The following BLK variants were observed in gnomAD, a reference collection of about 807,000 sequenced individuals.
BLK encodes BLK proto-oncogene, Src family tyrosine kinase.
BLK carries 64 observed loss-of-function variants against 61.8 expected under a neutral mutation model. The observed-to-expected ratio is 1.03, with a 90% CI of 0.85 to 1.27. The LOEUF (loss-of-function observed/expected upper bound fraction) is 1.27. BLK is among the 50% of genes most tolerant of loss of function. The probability of loss-of-function intolerance (pLI) is 0.00; values close to 1 mark genes in which losing one functional copy is unlikely to be tolerated. For missense variants in BLK, 853 were observed against 660.5 expected (o/e 1.29, Z -3.19); for synonymous variants, 351 against 272.0 (o/e 1.29, Z -2.86).
rs965244722 is a variant in BLK at position 11,547,332 on chromosome 8, C to T, written c.176-700C>T. ...GCTCAGTGACAGAGCGGAGCCACCC[C>T]ACCCGGGGAAGCTAAGTGCTCTCCA... On this transcript the variant is annotated intron_variant, in intron 3 of 12. Coordinates refer to ENST00000259089, the MANE Select transcript of BLK (RefSeq NM_001715.3). Among the ~76,000 whole-genome samples the T allele has an allele frequency of 4.6e-5, 7 of 152,374 alleles. No individual in the cohort carries two copies. The South Asian group carries it at 6.2e-4, about 14-fold the overall frequency.
At chr8:11,547,545 T>C (rs1585395274) in intron 3 of BLK, among the ~76,000 whole-genome samples, 2 of 152,186 alleles carry the variant, frequency 1.3e-5, no homozygotes, top group Admixed American at 1.3e-4. Flanking sequence ...GCTGGGGCTC[T>C]GGGCACAGAC....
intron 4 of BLK, among the ~76,000 whole-genome samples, chr8:11,548,430 G>A (rs985686204): frequency 7.2e-5 from 11 of 152,172 alleles, no homozygotes; most frequent in African/African-American, 2.7e-4. Context: ...ATGCAGGCTG[G>A]TCTGGCTGTT....
chr8:11,500,011 T>G (rs1752482326), intron 1 of BLK, among the ~76,000 whole-genome samples: 1 of 152,192 alleles, frequency 6.6e-6, no homozygotes, highest in African/African-American at 2.4e-5. Context: ...ACAGCATTTC[T>G]GAAAGAGCCT....
chr8:11,514,608 C>G (rs1002936115), intron 1 of BLK, among the ~76,000 whole-genome samples: 1 of 152,178 alleles, frequency 6.6e-6, no homozygotes, highest in Non-Finnish European at 1.5e-5. Flanking sequence ...CACTGTGGGC[C>G]TTCTCCATCC....
intron 1 of BLK, among the ~76,000 whole-genome samples, chr8:11,522,808 C>G (rs971574096): frequency 2.6e-5 from 4 of 151,862 alleles, no homozygotes; most frequent in African/African-American, 9.7e-5. Context: ...CTAAAACATA[C>G]AGAGTAGCAA....
rs575375002 is a variant in BLK at position 11,509,010 on chromosome 8, G to C, written c.-2+14419G>C. On this transcript the variant is annotated intron_variant, in intron 1 of 12. Coordinates refer to ENST00000259089, the MANE Select transcript of BLK (RefSeq NM_001715.3). ...GGTCGTTAGCAGCCCAGCCTGTGGG[G>C]AGCAAGCAGGCCATGAGCTGCATGC... 3 of 152,326 alleles carry C rather than the reference G, an allele frequency of 2.0e-5. No homozygotes were observed. In the East Asian group the frequency reaches 5.8e-4, roughly 29 times the overall value. The allele number at this position is 152,326 out of a possible 1,614,324, so 9.4% of individuals were successfully genotyped here.
chr8:11,508,001 A>G (rs1373235306), intron 1 of BLK, among the ~76,000 whole-genome samples: 1 of 152,124 alleles, frequency 6.6e-6, no homozygotes, highest in East Asian at 1.9e-4. Context: ...CACACTGGTC[A>G]AGTAGGGGGT....
chr8:11,517,100 G>C lies in BLK; in HGVS notation c.-2+22509G>C, dbSNP rs117766966. Among the ~76,000 whole-genome samples the C allele has an allele frequency of 6.3e-3, 953 of 152,298 alleles. 3 individuals carry two copies. Among genetic ancestry groups the C allele is most frequent in the Middle Eastern group, 0.014 (4 of 294 alleles). On this transcript the variant is annotated intron_variant, in intron 1 of 12. Transcript: ENST00000259089. ...CTAACATTTTTATAGGGTCACAGTG[G>C]GCTGCCTTTGGGAATAGGCAGGTGG...
intron 1 of BLK, among the ~76,000 whole-genome samples, chr8:11,508,467 G>A (rs1159708946): frequency 6.6e-6 from 1 of 152,208 alleles, no homozygotes; most frequent in Non-Finnish European, 1.5e-5. Flanking sequence ...GCCATCATGT[G>A]TGGGACCTTC....
intron 1 of BLK, among the ~76,000 whole-genome samples, chr8:11,506,647 G>T (rs922656033): frequency 2.0e-5 from 3 of 152,186 alleles, no homozygotes; most frequent in African/African-American, 2.4e-5. Flanking sequence ...CCAGGGTGGG[G>T]TCTAAGTTCT....
rs115068920 is a variant in BLK at position 11,549,089 on chromosome 8, T to C, written c.335T>C (p.Phe112Ser). The C allele has an allele frequency of 9.3e-4, 1,493 of 1,610,566 alleles. 13 individuals are homozygous for C. The African/African-American group carries it at 0.018, about 19-fold the overall frequency. The change falls in exon 5 of 13, where the codon TTT (phenylalanine) becomes TCT (serine). Residue 112 changes from phenylalanine to serine, a missense_variant. By Grantham distance (155) the Phe-to-Ser change is radical (BLOSUM62 -2). Coordinates refer to ENST00000259089, the MANE Select transcript of BLK (RefSeq NM_001715.3). The stretch of plus-strand genomic sequence containing the variant: ...AGAGAAGGCTATGTGCCCAGTAACT[T>C]TGTGGCCCGAGTGGAGAGCCTGGAA... ...TGREGYVPSN[F>S]VARVESLEME...
chr8:11,504,101 A>G (rs1037731047), intron 1 of BLK, among the ~76,000 whole-genome samples: 13 of 152,168 alleles, frequency 8.5e-5, no homozygotes, highest in Non-Finnish European at 1.2e-4. Context: ...AGGCAGGCGG[A>G]TCACTTGAGG....
intron 1 of BLK, among the ~76,000 whole-genome samples, chr8:11,520,851 T>A (rs1347355170): frequency 6.6e-5 from 10 of 152,260 alleles, no homozygotes; most frequent in Non-Finnish European, 4.4e-5. Context: ...TAGACAAAAA[T>A]CAATAGCTTT....
rs192811588 is a variant in BLK at position 11,504,416 on chromosome 8, A to G, written c.-2+9825A>G. ...GAAAAGAAAAGAAAAGAAAAGAAAA[A>G]AAAAAGAAAAGATCCCATTCACCTG... On this transcript the variant is annotated intron_variant, in intron 1 of 12. Coordinates refer to ENST00000259089, the MANE Select transcript of BLK (RefSeq NM_001715.3). Among the ~76,000 whole-genome samples the G allele has an allele frequency of 2.2e-3, 289 of 130,324 alleles. 2 individuals carry two copies. The highest frequency in any genetic ancestry group is 9.7e-3 in the African/African-American group (275 of 28,334). The allele number at this position is 130,324 out of a possible 152,430, so 85.5% of individuals were successfully genotyped here. A position where few individuals can be genotyped will look rare whatever the true frequency, so the allele number is the denominator to read the frequency against.
In BLK at chr8:11,563,922, C is replaced by T. The variant is rs1386758958; in HGVS notation, c.1332C>T (p.Val444=). 7 of 1,608,964 alleles carry T rather than the reference C, an allele frequency of 4.4e-6. 1 individual carries two copies. In the South Asian group the frequency reaches 6.6e-5, roughly 15 times the overall value. ...CCGCAGGGATGAGCAACCCCGAGGT[C>T]ATCCGCAACCTGGAGCGCGGCTACC... ...VPYPGMSNPE[V]IRNLERGYRM... is the part of the protein sequence containing the mutation. The change falls in exon 13 of 13, where the codon GTC becomes GTT. Residue 444 remains valine, a synonymous_variant. Transcript: ENST00000259089.
At chr8:11,523,382 C>T (rs766854665) in intron 1 of BLK, among the ~76,000 whole-genome samples, 2 of 152,026 alleles carry the variant, frequency 1.3e-5, no homozygotes, top group African/African-American at 4.8e-5. Flanking sequence ...GGAGATACCC[C>T]GTCTCTACTA....
At chr8:11,547,078 C>T (rs932439680) in intron 3 of BLK, among the ~76,000 whole-genome samples, 1 of 152,262 alleles carries the variant, frequency 6.6e-6, no homozygotes, top group African/African-American at 2.4e-5. Context: ...CACCCATTAA[C>T]CTGCTCATAT....
chr8:11,528,203 A>C (rs1487716136), intron 1 of BLK, among the ~76,000 whole-genome samples: 4 of 151,960 alleles, frequency 2.6e-5, no homozygotes, highest in Admixed American at 1.3e-4. Context: ...TGCCTGGCTA[A>C]TTTTTGTATT....
Position 11,501,355 on chromosome 8 carries a change from C to CTT in BLK, c.-2+6777_-2+6778dup, listed in dbSNP as rs34735987. ...TTATGGGAAAGGCTAAACTCTCTCT[C>CTT]TTTTTTTTTTTTTTAACACATTAGC... is the stretch of plus-strand genomic sequence containing the variant. On this transcript the variant is annotated intron_variant, in intron 1 of 12. Coordinates refer to ENST00000259089, the MANE Select transcript of BLK (RefSeq NM_001715.3). Among the ~76,000 whole-genome samples the CTT allele has an allele frequency of 3.3e-3, 476 of 145,494 alleles. 1 individual carries two copies. Among genetic ancestry groups the CTT allele is most frequent in the African/African-American group, 0.011 (443 of 39,002 alleles).
Sources: allele counts gnomAD v4.1 joint callset (sites outside exome capture counted in the v4.1 genomes callset), GRCh38; gene constraint gnomAD v4.1.1; transcripts MANE v1.5; gene names NCBI Gene and HGNC (gene_info 2026-07-23, HGNC 2026-07-21).